Variants in TLE4 observed in about 807,000 individuals in gnomAD.
TLE4 encodes the protein transducin-like enhancer protein 4.
A neutral mutation model predicts 92.8 loss-of-function variants in TLE4; 8 were observed. That is an observed-to-expected ratio of 0.09 (90% confidence interval 0.05 to 0.16). TLE4 has a LOEUF of 0.16. Among genes scored for constraint, TLE4 ranks in the 10% least tolerant of loss-of-function variants. The pLI is 1.00. For missense variants in TLE4, 675 were observed against 997.6 expected, an observed-to-expected ratio of 0.68 and a Z score of 4.36; for synonymous variants, 371 against 374.1, an observed-to-expected ratio of 0.99 and a Z score of 0.10.
At chr9:79,690,982 A>G (rs1318314749) in intron 8 of TLE4, among the ~76,000 whole-genome samples, 21 of 152,042 alleles carry the variant, frequency 1.4e-4, no homozygotes. Context: ...TTGCAAATGC[A>G]TGAAGATGGC....
intron 8 of TLE4, among the ~76,000 whole-genome samples, chr9:79,672,545 A>G (rs894502122): frequency 5.9e-5 from 9 of 152,116 alleles, no homozygotes; most frequent in Admixed American, 1.3e-4. Flanking sequence ...ACATGAGGCC[A>G]TATTTGAGGC....
chr9:79,722,245 A>C (rs941785280), intron 17 of TLE4, among the ~76,000 whole-genome samples: 1 of 152,234 alleles, frequency 6.6e-6, no homozygotes, highest in African/African-American at 2.4e-5. Flanking sequence ...TTACCGTGTG[A>C]TGATGTCACT....
chr9:79,630,148 G>A (rs2053794405), intron 6 of TLE4, among the ~76,000 whole-genome samples: 1 of 152,168 alleles, frequency 6.6e-6, no homozygotes, highest in Non-Finnish European at 1.5e-5. Flanking sequence ...ATCCAGACAA[G>A]AGCAAATGTT....
chr9:79,720,158 G>A lies in TLE4; in HGVS notation c.1703G>A (p.Arg568His). 1 of 1,614,148 alleles carries A rather than the reference G, an allele frequency of 6.2e-7. No individual in the cohort carries two copies. The highest frequency in any genetic ancestry group is 1.7e-5 in the Admixed American group (1 of 60,020). ...SIWDLAAPTP[R>H]IKAELTSSAP... Reference sequence around the variant, plus strand: ...TGGGACCTGGCGGCTCCAACCCCACGCATCAAGGCAGAGCTGACATCCTCG... The same window carrying A: ...TGGGACCTGGCGGCTCCAACCCCACACATCAAGGCAGAGCTGACATCCTCG... Residue 568 changes from arginine (R) to histidine (H), a missense_variant, in exon 16 of 20, where the codon CGC becomes CAC. By Grantham distance (29) the Arg-to-His change is conservative (BLOSUM62 0). Coordinates refer to ENST00000376552, the MANE Select transcript of TLE4 (RefSeq NM_007005.6).
At chr9:79,694,180 G>A (rs1364757898) in intron 8 of TLE4, among the ~76,000 whole-genome samples, 1 of 152,182 alleles carries the variant, frequency 6.6e-6, no homozygotes, top group Admixed American at 6.5e-5. Flanking sequence ...GAGGGAGAGG[G>A]AAAGGTCAGA....
At chr9:79,591,269 T>G (rs188275197) in intron 4 of TLE4, among the ~76,000 whole-genome samples, 1 of 152,288 alleles carries the variant, frequency 6.6e-6, no homozygotes, top group Non-Finnish European at 1.5e-5. Context: ...GGGCACAGTT[T>G]AGTGAGACCT....
chr9:79,623,570 C>A (rs1053189437), intron 5 of TLE4, among the ~76,000 whole-genome samples: 1 of 151,996 alleles, frequency 6.6e-6, no homozygotes, highest in African/African-American at 2.4e-5. Context: ...TTGCTTAAAT[C>A]ACTTTTTTAA....
intron 6 of TLE4, among the ~76,000 whole-genome samples, chr9:79,642,441 T>TA: frequency 1.3e-5 from 2 of 151,892 alleles, no homozygotes; most frequent in South Asian, 4.2e-4. Context: ...TACTTTTTTT[T>TA]AAAGTACTCT....
At chr9:79,594,985 G>T (rs533995042) in intron 4 of TLE4, among the ~76,000 whole-genome samples, 1 of 152,126 alleles carries the variant, frequency 6.6e-6, no homozygotes. Context: ...ATAGTTTGTG[G>T]TTCTTTATTT....
At chr9:79,596,135 C>T (rs909259413) in intron 4 of TLE4, among the ~76,000 whole-genome samples, 3 of 152,162 alleles carry the variant, frequency 2.0e-5, no homozygotes, top group Admixed American at 1.3e-4. Context: ...CGTGAGGAAC[C>T]GCGCCCGGCC....
At chr9:79,705,692 T>A (rs2135910934) in intron 9 of TLE4, among the ~76,000 whole-genome samples, 197 bp from the exon 10 acceptor site, 1 of 152,310 alleles carries the variant, frequency 6.6e-6, no homozygotes, top group East Asian at 1.9e-4. Context: ...TGCATCAGTC[T>A]CATAATCTGA....
At chr9:79,654,177 T>C in intron 8 of TLE4, 102 bp downstream of exon 8, 1 of 1,287,450 alleles carries the variant, frequency 7.8e-7, no homozygotes, top group Middle Eastern at 1.9e-4. Context: ...AATGATTTCA[T>C]TGGTTAGTAG....
chr9:79,690,352 C>T (rs1396520263), intron 8 of TLE4, among the ~76,000 whole-genome samples: 1 of 152,178 alleles, frequency 6.6e-6, no homozygotes, highest in Non-Finnish European at 1.5e-5. Flanking sequence ...ATTCAGTTTT[C>T]TCTTGGTCAC....
intron 6 of TLE4, among the ~76,000 whole-genome samples, chr9:79,628,898 GTGTGTGTGTGTA>G (rs1302392890): frequency 1.3e-5 from 2 of 151,852 alleles, no homozygotes; most frequent in African/African-American, 4.8e-5. Context: ...GTGTGTGTGT[GTGTGTGTGTGTA>G]TATGTATAAA....
chr9:79,629,768 A>G (rs1259284135), intron 6 of TLE4, among the ~76,000 whole-genome samples: 1 of 152,228 alleles, frequency 6.6e-6, no homozygotes, highest in Non-Finnish European at 1.5e-5. Flanking sequence ...GTGAGAAGGA[A>G]AGAGCTCAGT....
chr9:79,606,665 T>C (rs1819958876), intron 4 of TLE4, among the ~76,000 whole-genome samples: 1 of 152,102 alleles, frequency 6.6e-6, no homozygotes, highest in Admixed American at 6.6e-5. Flanking sequence ...CTTAGAATGA[T>C]GATTTCCAGC....
chr9:79,711,047 C>T (rs772422861), intron 14 of TLE4, among the ~76,000 whole-genome samples: 4 of 152,220 alleles, frequency 2.6e-5, no homozygotes, highest in Non-Finnish European at 2.9e-5. Flanking sequence ...CTTCTCCCCA[C>T]ATCCCTTCAG....
intron 14 of TLE4, among the ~76,000 whole-genome samples, chr9:79,717,129 C>T (rs979592772): frequency 1.5e-4 from 23 of 152,200 alleles, no homozygotes; most frequent in Admixed American, 1.4e-3. Context: ...GTCCCCTTAG[C>T]TTCAGCCATC....
intron 6 of TLE4, among the ~76,000 whole-genome samples, chr9:79,643,176 G>A (rs183633271): frequency 3.3e-5 from 5 of 152,206 alleles, no homozygotes; most frequent in African/African-American, 7.2e-5. Context: ...CTGTATACTC[G>A]TCACCTAGAT....
Sources: gnomAD v4.1 joint callset for allele counts (sites outside exome capture counted in the v4.1 genomes callset) on GRCh38, gnomAD v4.1.1 for gene constraint, MANE v1.5 for transcripts, NCBI Gene and HGNC (gene_info 2026-07-23, HGNC 2026-07-21) for gene names.